The following CTNND2 variants were observed in gnomAD, a reference collection of about 807,000 sequenced individuals.
The protein encoded by CTNND2 is catenin delta 2, also known as catenin delta-2.
Under a neutral mutation model 144.4 loss-of-function variants are expected in CTNND2, and 22 were observed. The observed-to-expected ratio is 0.15, with a 90% CI of 0.11 to 0.22. CTNND2 has a LOEUF of 0.22. Among genes scored for constraint, CTNND2 ranks in the 10% least tolerant of loss-of-function variants. CTNND2 has a pLI of 1.00. For synonymous variants in CTNND2, 751 were observed against 695.6 expected (o/e 1.08, Z -1.25); for missense variants, 1,353 against 1,618.8 (o/e 0.84, Z 2.82).
intron 1 of CTNND2, among the ~76,000 whole-genome samples, chr5:11,887,069 T>C (rs578103435): frequency 2.1e-3 from 297 of 143,892 alleles, no homozygotes; most frequent in Non-Finnish European, 3.1e-3. Flanking sequence ...CTGCAAGCTC[T>C]GCCTCCCGGG....
chr5:11,890,317 T>C (rs1736860533), intron 1 of CTNND2, among the ~76,000 whole-genome samples: 1 of 152,198 alleles, frequency 6.6e-6, no homozygotes, highest in Non-Finnish European at 1.5e-5. Flanking sequence ...CAGCTGTATT[T>C]ATCATGAGAT....
intron 2 of CTNND2, among the ~76,000 whole-genome samples, chr5:11,567,161 A>ATT (rs145382585): frequency 1.3e-5 from 2 of 149,004 alleles, no homozygotes; most frequent in African/African-American, 2.5e-5. Flanking sequence ...GTATTTTTTT[A>ATT]TTTTTTTTTT....
Position 11,384,691 on chromosome 5 carries a change from G to C in CTNND2, c.1151C>G (p.Thr384Ser). Residue 384 changes from threonine to serine, a missense_variant, in exon 7 of 22, where the codon ACC becomes AGC. By Grantham distance (58) the Thr-to-Ser change is moderately conservative. Transcript: ENST00000304623. The surrounding 1 kb of genome is among the most constrained non-coding windows in gnomAD (Gnocchi z 5.2). Reference protein sequence around the residue: ...KHSQELYATATLQRPGSLAAG... With the variant: ...KHSQELYATASLQRPGSLAAG... ...TGCCAGGCTGCCCGGCCTCTGGAGGGTGGCCGTGGCATACAGCTCCTGCGA... is the reference window on the plus strand; with the variant it reads ...TGCCAGGCTGCCCGGCCTCTGGAGGCTGGCCGTGGCATACAGCTCCTGCGA... 3.1e-6 allele frequency: 5 copies of C among 1,607,296 alleles called. No individual in the cohort carries two copies. Among genetic ancestry groups the C allele is most frequent in the Non-Finnish European group, 4.2e-6 (5 of 1,178,864 alleles).
intron 11 of CTNND2, among the ~76,000 whole-genome samples, chr5:11,186,967 G>A (rs559532706): frequency 3.9e-4 from 59 of 152,246 alleles, no homozygotes; most frequent in African/African-American, 5.1e-4. Context: ...CACTATGACC[G>A]GTAAGTGTGG....
chr5:11,285,030 T>C (rs1478980851), intron 9 of CTNND2, among the ~76,000 whole-genome samples: 1 of 152,214 alleles, frequency 6.6e-6, no homozygotes, highest in Non-Finnish European at 1.5e-5. Flanking sequence ...CTTGACTCTG[T>C]CCTTGCTAAG....
chr5:11,041,537 G>A (rs1471897150), intron 16 of CTNND2, among the ~76,000 whole-genome samples: 1 of 152,022 alleles, frequency 6.6e-6, no homozygotes, highest in African/African-American at 2.4e-5. Context: ...TTTACCACCT[G>A]TGTGACACCT....
intron 2 of CTNND2, among the ~76,000 whole-genome samples, chr5:11,710,539 CAAAAAAAAA>C (rs1197887467): frequency 1.5e-5 from 1 of 68,780 alleles, no homozygotes; most frequent in Non-Finnish European, 3.1e-5. Context: ...GACTCCATCT[CAAAAAAAAA>C]AAAAAAAAAG....
chr5:10,978,528 G>A (rs541433114), intron 21 of CTNND2, among the ~76,000 whole-genome samples: 9 of 152,142 alleles, frequency 5.9e-5, no homozygotes, highest in African/African-American at 1.2e-4. Context: ...TTTGGTGGAC[G>A]TTTAAAAATG....
In CTNND2 at chr5:11,117,586, C is replaced by T. The variant is rs766671064; in HGVS notation, c.2160-19G>A. 3.8e-6 allele frequency: 6 copies of T among 1,586,170 alleles called. No individual in the cohort carries two copies. The highest frequency in any genetic ancestry group is 3.3e-5 in the South Asian group (3 of 90,538). The stretch of plus-strand genomic sequence containing the variant: ...AACATTCCTGCAAAGCAAAAGGACA[C>T]GTCAGCGATCTTCACGGTTGTCACC... On this transcript the variant is annotated intron_variant, in intron 12 of 21. Transcript: ENST00000304623.
chr5:11,433,879 T>G (rs1320916499), intron 3 of CTNND2, among the ~76,000 whole-genome samples: 2 of 152,228 alleles, frequency 1.3e-5, no homozygotes, highest in Non-Finnish European at 2.9e-5. Context: ...GGTGGTTGTG[T>G]AAAACTGCCC....
intron 2 of CTNND2, among the ~76,000 whole-genome samples, chr5:11,662,230 T>TAC (rs539924562): frequency 5.7e-4 from 79 of 139,382 alleles, no homozygotes; most frequent in African/African-American, 2.2e-3. Flanking sequence ...TATGTGTATA[T>TAC]ATGTATATAT....
At chr5:11,406,636 A>G (rs1761122907) in intron 5 of CTNND2, among the ~76,000 whole-genome samples, 2 of 152,164 alleles carry the variant, frequency 1.3e-5, no homozygotes, top group African/African-American at 4.8e-5. Context: ...CGTCTCTTGT[A>G]AATTAAGTAT....
chr5:11,093,056 T>G (rs1357297738), intron 15 of CTNND2, among the ~76,000 whole-genome samples: 1 of 152,242 alleles, frequency 6.6e-6, no homozygotes, highest in African/African-American at 2.4e-5. Context: ...ATGTTGCTAT[T>G]ACGTTAGCTC....
chr5:11,898,581 G>C (rs1302260442), intron 1 of CTNND2, among the ~76,000 whole-genome samples: 2 of 152,002 alleles, frequency 1.3e-5, no homozygotes, highest in African/African-American at 4.8e-5. Flanking sequence ...CCATCATCTA[G>C]TGTTATAAAG....
intron 8 of CTNND2, among the ~76,000 whole-genome samples, chr5:11,360,207 G>A (rs1756306520): frequency 6.6e-6 from 1 of 152,164 alleles, no homozygotes; most frequent in African/African-American, 2.4e-5. Context: ...AAGGTCTAGA[G>A]GAGAGATAGG....
intron 3 of CTNND2, among the ~76,000 whole-genome samples, chr5:11,429,432 C>T (rs1201170282): frequency 2.0e-5 from 3 of 152,072 alleles, no homozygotes; most frequent in African/African-American, 7.3e-5. Context: ...CTGGTGCCCA[C>T]GTGTTTGTTT....
At position 11,064,814 on chromosome 5, in the gene CTNND2, G is replaced by A. The variant is rs541864139; in HGVS notation, c.2788+17882C>T. ...AGTAAACAAATTTATAGGAAAGTCT[G>A]TGTACCTGTCAATCACACTGTTACT... is the stretch of plus-strand genomic sequence containing the variant. On this transcript the variant is annotated intron_variant, in intron 16 of 21. Transcript: ENST00000304623. Among the ~76,000 whole-genome samples the A allele has an allele frequency of 7.2e-5, 11 of 152,318 alleles. No individual in the cohort carries two copies. In the East Asian group the frequency reaches 1.5e-3, roughly 21 times the overall value.
At chr5:11,111,524 GT>G (rs529753197) in intron 13 of CTNND2, among the ~76,000 whole-genome samples, 78 of 152,318 alleles carry the variant, frequency 5.1e-4, no homozygotes, top group Middle Eastern at 3.4e-3. Context: ...AACCAGGGTT[GT>G]CCCAGGAAAG....
At position 11,904,119 on chromosome 5, in the gene CTNND2, C is replaced by CT. The variant is rs1738141145; in HGVS notation, c.-267_-266insA. The CT allele has an allele frequency of 1.9e-5, 3 of 154,710 alleles. No homozygotes were observed. Among genetic ancestry groups the CT allele is most frequent in the South Asian group, 2.0e-4 (1 of 4,914 alleles). 9.6% of individuals were successfully genotyped at this position (154,710 alleles called of 1,614,324 possible). A position where few individuals can be genotyped will look rare whatever the true frequency, so the allele number is the denominator to read the frequency against. ...GCCCCCTGCCCGGCTCCGCGGGCTC[C>CT]ACGGGCTCCTGCGGGCTCCTCGGGG... On this transcript the variant is annotated 5_prime_UTR_variant, in exon 1 of 22. Transcript: ENST00000304623. This position sits in a 1 kb window ranked among gnomAD's most constrained non-coding sequence, Gnocchi z 4.2.
Sources: gnomAD v4.1 joint callset for allele counts (sites outside exome capture counted in the v4.1 genomes callset) on GRCh38, gnomAD v4.1.1 for gene constraint, Gnocchi (gnomAD v3.1) non-coding constraint, MANE v1.5 for transcripts, NCBI Gene and HGNC (gene_info 2026-07-23, HGNC 2026-07-21) for gene names.